The following TDRD15 variants were observed in gnomAD, a reference collection of about 807,000 sequenced individuals.
TDRD15 encodes the protein tudor domain-containing protein 15.
For missense variants in TDRD15, 1,416 were observed against 904.7 expected (o/e 1.57, Z -7.25); for synonymous variants, 503 against 314.5 (o/e 1.60, Z -6.34).
rs1665777846 is a variant in TDRD15 at position 21,134,807 on chromosome 2, CAATT to C, written c.-39_-36del. On this transcript the variant is annotated 5_prime_UTR_variant, in exon 3 of 4. Coordinates refer to ENST00000405799, the MANE Select transcript of TDRD15 (RefSeq NM_001306137.2). ...GAAAAATAGTTTCCCAAATTTCACACAATTAATTGAGTACTGATATCTGAATCCT... is the reference window on the plus strand; with the variant it reads ...GAAAAATAGTTTCCCAAATTTCACACAATTGAGTACTGATATCTGAATCCT... 1 of 151,440 alleles carries C rather than the reference CAATT, an allele frequency of 6.6e-6. No homozygotes were observed. The allele number at this position is 151,440 out of a possible 1,614,324, so 9.4% of individuals were successfully genotyped here.
downstream of TDRD15, among the ~76,000 whole-genome samples, chr2:21,147,075 C>G (rs995621537): frequency 6.6e-6 from 1 of 152,040 alleles, no homozygotes; most frequent in Non-Finnish European, 1.5e-5. Context: ...TCAGTGTTGC[C>G]TGGTACATAA....
At chr2:21,135,091 T>C (rs138729739) in intron 3 of TDRD15, among the ~76,000 whole-genome samples, 3,800 of 145,970 alleles carry the variant, frequency 0.026, 158 homozygotes, top group African/African-American at 0.089. Context: ...TTAGTTTAGT[T>C]CTAAATTTTA....
At chr2:21,146,124 T>A (rs1418916229), downstream of TDRD15, among the ~76,000 whole-genome samples, 1 of 152,016 alleles carries the variant, frequency 6.6e-6, no homozygotes, top group African/African-American at 2.4e-5. Context: ...TGAATTATTT[T>A]GTGAGAAAAA....
At position 21,139,639 on chromosome 2, in the gene TDRD15, A is replaced by G. The variant is rs1157264128; in HGVS notation, c.2172A>G (p.Leu724=). 2.8e-6 allele frequency: 2 copies of G among 714,622 alleles called. No homozygotes were observed. The highest frequency in any genetic ancestry group is 1.8e-5 in the African/African-American group (1 of 57,056). The allele number at this position is 714,622 out of a possible 1,614,324, so 44.3% of individuals were successfully genotyped here. Residue 724 remains leucine, a synonymous_variant, in exon 4 of 4, where the codon CTA becomes CTG. Transcript: ENST00000405799. ...VENNLSLPKS[L]AVNISEFKNP... ...ATAACTTGTCTTTGCCAAAGTCCCT[A>G]GCTGTTAATATCTCAGAATTTAAAA...
chr2:21,135,279 G>A (rs1040598626), intron 3 of TDRD15, among the ~76,000 whole-genome samples: 1 of 151,070 alleles, frequency 6.6e-6, no homozygotes, highest in Non-Finnish European at 1.5e-5. Flanking sequence ...GTCTTTAGAT[G>A]CCCAAGGGTA....
intron 2 of TDRD15, among the ~76,000 whole-genome samples, chr2:21,128,856 G>A (rs1471156648): frequency 2.7e-5 from 4 of 150,246 alleles, no homozygotes; most frequent in Middle Eastern, 3.5e-3. Flanking sequence ...AGAGAAATTC[G>A]AAGTGGAAAA....
At chr2:21,133,611 T>C (rs1463582477) in intron 2 of TDRD15, among the ~76,000 whole-genome samples, 1 of 152,166 alleles carries the variant, frequency 6.6e-6, no homozygotes, top group Non-Finnish European at 1.5e-5. Flanking sequence ...AGGATCTTAT[T>C]GTGAAGATCA....
intron 2 of TDRD15, among the ~76,000 whole-genome samples, chr2:21,128,147 T>C (rs1665635033): frequency 6.6e-6 from 1 of 152,162 alleles, no homozygotes; most frequent in African/African-American, 2.4e-5. Context: ...CACGTATTTG[T>C]TTGTTCTGGA....
rs150428137 is a variant in TDRD15, at chr2:21,139,869, A to T, written c.2402A>T (p.Glu801Val). 2.1e-5 allele frequency: 15 copies of T among 715,834 alleles called. No homozygotes were observed. The East Asian group carries it at 4.0e-4, about 19-fold the overall frequency. The allele number at this position is 715,834 out of a possible 1,614,324, so 44.3% of individuals were successfully genotyped here. The change falls in exon 4 of 4, where the codon GAG becomes GTG. Residue 801 changes from glutamate (E) to valine (V), a missense_variant. Coordinates refer to ENST00000405799, the MANE Select transcript of TDRD15 (RefSeq NM_001306137.2). ...NYYSIHSDPYEIGQTACVAKY... is the reference protein window; with the variant it reads ...NYYSIHSDPYVIGQTACVAKY... ...TATAGTATTCATTCTGATCCTTATG[A>T]GATTGGGCAGACTGCTTGTGTTGCT...
chr2:21,142,230 C>G lies in TDRD15; in HGVS notation c.4763C>G (p.Thr1588Ser). ...GAATGCTTGGCAAAATCTAAAAATA[C>G]CTTGAAATGGCATCGATCAAAAGTA... ...GLECLAKSKN[T>S]LKWHRSKVEE... is the part of the protein sequence containing the mutation. Residue 1588 changes from threonine to serine, a missense_variant, in exon 4 of 4, where the codon ACC becomes AGC. Coordinates refer to ENST00000405799, the MANE Select transcript of TDRD15 (RefSeq NM_001306137.2). 1 of 694,924 alleles carries G rather than the reference C, an allele frequency of 1.4e-6. No homozygotes were observed. The highest frequency in any genetic ancestry group is 2.6e-6 in the Non-Finnish European group (1 of 378,704). The allele number at this position is 694,924 out of a possible 1,614,324, so 43.0% of individuals were successfully genotyped here. A position where few individuals can be genotyped will look rare whatever the true frequency, so the allele number is the denominator to read the frequency against.
intron 1 of TDRD15, among the ~76,000 whole-genome samples, chr2:21,126,254 A>G (rs1665590720): frequency 1.3e-5 from 2 of 151,866 alleles, no homozygotes; most frequent in South Asian, 2.1e-4. Flanking sequence ...ATTAAATGGC[A>G]TTTTCTAGGA....
Position 21,138,185 on chromosome 2 carries a change from G to A in TDRD15, c.718G>A (p.Gly240Arg), listed in dbSNP as rs1230881059. Residue 240 changes from glycine to arginine, a missense_variant, in exon 4 of 4, where the codon GGA becomes AGA. By Grantham distance (125) the Gly-to-Arg change is moderately radical. Coordinates refer to ENST00000405799, the MANE Select transcript of TDRD15 (RefSeq NM_001306137.2). ...LDKLQPSLSV[G>R]STESVKVSSA... ...TAAGTTGCAGCCATCTTTGTCAGTAGGAAGTACTGAAAGTGTAAAGGTATC... is the reference window on the plus strand; with the variant it reads ...TAAGTTGCAGCCATCTTTGTCAGTAAGAAGTACTGAAAGTGTAAAGGTATC... 2.8e-6 allele frequency: 2 copies of A among 716,574 alleles called. No homozygotes were observed. The highest frequency in any genetic ancestry group is 3.5e-5 in the African/African-American group (2 of 57,180). The allele number at this position is 716,574 out of a possible 1,614,324, so 44.4% of individuals were successfully genotyped here.
chr2:21,142,303 T>C lies in TDRD15; in HGVS notation c.4836T>C (p.Cys1612=). Residue 1612 remains cysteine, a synonymous_variant, in exon 4 of 4, where the codon TGT becomes TGC. Coordinates refer to ENST00000405799, the MANE Select transcript of TDRD15 (RefSeq NM_001306137.2). The part of the protein sequence containing the change: ...DDKVLVFLVD[C]GIYEIVPVCN... Reference sequence around the variant, plus strand: ...AAGTACTTGTTTTTTTAGTAGATTGTGGTATCTATGAAATAGTACCTGTAT... The same window carrying C: ...AAGTACTTGTTTTTTTAGTAGATTGCGGTATCTATGAAATAGTACCTGTAT... The C allele has an allele frequency of 4.4e-6, 3 of 689,030 alleles. No homozygotes were observed. The highest frequency in any genetic ancestry group is 2.7e-6 in the Non-Finnish European group (1 of 376,830). 42.7% of individuals were successfully genotyped at this position (689,030 alleles called of 1,614,324 possible).
rs911172076 is a variant in TDRD15 at position 21,137,831 on chromosome 2, G to A, written c.364G>A (p.Val122Ile). 3 of 716,112 alleles carry A rather than the reference G, an allele frequency of 4.2e-6. No individual in the cohort carries two copies. The highest frequency in any genetic ancestry group is 7.8e-6 in the Non-Finnish European group (3 of 384,422). The allele number at this position is 716,112 out of a possible 1,614,324, so 44.4% of individuals were successfully genotyped here. ...TTTATTTGAGCTACCGCCACGGGTA[G>A]TATTTGGTATTTTTGCGAATATACT... ...GNLFELPPRV[V>I]FGIFANILPV... The change falls in exon 4 of 4, where the codon GTA becomes ATA. Residue 122 changes from valine (V) to isoleucine (I), a missense_variant. Coordinates refer to ENST00000405799, the MANE Select transcript of TDRD15 (RefSeq NM_001306137.2).
chr2:21,140,580 C>G lies in TDRD15; in HGVS notation c.3113C>G (p.Ser1038Ter), dbSNP rs1342858888. The G allele has an allele frequency of 4.2e-6, 3 of 713,190 alleles. No individual in the cohort carries two copies. Among genetic ancestry groups the G allele is most frequent in the East Asian group, 2.7e-5 (1 of 37,204 alleles). The allele number at this position is 713,190 out of a possible 1,614,324, so 44.2% of individuals were successfully genotyped here. A position where few individuals can be genotyped will look rare whatever the true frequency, so the allele number is the denominator to read the frequency against. ...AGAGCTTTAGCAATACCAACAGATTCATCATCTGAGTTTCAAGTCTATTTT... is the reference window on the plus strand; with the variant it reads ...AGAGCTTTAGCAATACCAACAGATTGATCATCTGAGTTTCAAGTCTATTTT... ...SYRALAIPTD[S>*]SSEFQVYFVD... Residue 1038 changes from serine (S) to a stop codon, truncating the protein, a stop_gained, in exon 4 of 4, where the codon TCA (serine) becomes TGA (stop). Coordinates refer to ENST00000405799, the MANE Select transcript of TDRD15 (RefSeq NM_001306137.2). LOFTEE classifies it low-confidence loss of function (END_TRUNC).
At chr2:21,123,939 G>A (rs1466161342), upstream of TDRD15, 4 of 152,554 alleles carry the variant, frequency 2.6e-5, no homozygotes, top group East Asian at 5.8e-4. Flanking sequence ...GGGCCCCTGC[G>A]GGATTACGAG....
chr2:21,142,993 A>G lies in TDRD15; in HGVS notation c.5526A>G (p.Pro1842=). ...KVVPEELLNL[P]RLSYPCILYG... ...TTCCTGAGGAACTTTTGAATTTGCC[A>G]AGGCTGAGTTATCCATGTATTTTAT... The change falls in exon 4 of 4, where the codon CCA becomes CCG. Residue 1842 remains proline, a synonymous_variant. Coordinates refer to ENST00000405799, the MANE Select transcript of TDRD15 (RefSeq NM_001306137.2). The G allele has an allele frequency of 1.4e-6, 1 of 704,476 alleles. No individual in the cohort carries two copies. Among genetic ancestry groups the G allele is most frequent in the Admixed American group, 2.1e-5 (1 of 47,208 alleles). The allele number at this position is 704,476 out of a possible 1,614,324, so 43.6% of individuals were successfully genotyped here.
Position 21,143,035 on chromosome 2 carries a change from T to C in TDRD15, c.5568T>C (p.Ala1856=). 1.4e-6 allele frequency: 1 copy of C among 691,862 alleles called. No individual in the cohort carries two copies. The highest frequency in any genetic ancestry group is 1.6e-5 in the South Asian group (1 of 62,360). 42.9% of individuals were successfully genotyped at this position (691,862 alleles called of 1,614,324 possible). A position where few individuals can be genotyped will look rare whatever the true frequency, so the allele number is the denominator to read the frequency against. The change falls in exon 4 of 4, where the codon GCT becomes GCC. Residue 1856 remains alanine (A), a synonymous_variant. Coordinates refer to ENST00000405799, the MANE Select transcript of TDRD15 (RefSeq NM_001306137.2). ...YPCILYGILP[A]KGKHWSEEAK... is the part of the protein sequence containing the mutation. Reference sequence around the variant, plus strand: ...GTATTTTATATGGTATCTTACCTGCTAAAGGAAAACATTGGAGTGAAGAAG... The same window carrying C: ...GTATTTTATATGGTATCTTACCTGCCAAAGGAAAACATTGGAGTGAAGAAG...
intron 2 of TDRD15, among the ~76,000 whole-genome samples, chr2:21,130,606 G>T (rs1365020887): frequency 6.6e-6 from 1 of 152,060 alleles, no homozygotes; most frequent in Non-Finnish European, 1.5e-5. Flanking sequence ...TTTTGCATGT[G>T]GGTATCCATT....
Sources: gnomAD v4.1 joint callset for allele counts (sites outside exome capture counted in the v4.1 genomes callset) on GRCh38, gnomAD v4.1.1 for gene constraint, MANE v1.5 for transcripts, NCBI Gene and HGNC (gene_info 2026-07-23, HGNC 2026-07-21) for gene names.